The following NCKAP5 variants were observed in gnomAD, a reference collection of about 807,000 sequenced individuals.
NCKAP5 encodes nck-associated protein 5.
In NCKAP5, 92 loss-of-function variants were observed where a neutral mutation model predicts 167.0. That is an observed-to-expected ratio of 0.55 (90% CI 0.47 to 0.66). The LOEUF is 0.66. NCKAP5 is among the 30% of genes least tolerant of loss of function. The probability of loss-of-function intolerance (pLI) is 0.00; values close to 1 mark genes in which losing one functional copy is unlikely to be tolerated. For synonymous variants in NCKAP5, 891 were observed against 877.4 expected (o/e 1.02, Z -0.27); for missense variants, 2,378 against 2,315.0 (o/e 1.03, Z -0.56).
chr2:132,718,971 G>A (rs1358036572), intron 19 of NCKAP5, among the ~76,000 whole-genome samples: 1 of 152,210 alleles, frequency 6.6e-6, no homozygotes, highest in Non-Finnish European at 1.5e-5. Flanking sequence ...CGTGGCTGAT[G>A]AAGGGGCATC....
chr2:133,384,323 C>T (rs1686763979), intron 3 of NCKAP5, among the ~76,000 whole-genome samples: 1 of 152,134 alleles, frequency 6.6e-6, no homozygotes, highest in Admixed American at 6.6e-5. Context: ...AATCCTTTCC[C>T]CATTTCTTGT....
Position 133,381,352 on chromosome 2 carries a change from G to A in NCKAP5, c.70-78242C>T, listed in dbSNP as rs183422957. 8.5e-5 allele frequency among the ~76,000 whole-genome samples: 13 copies of A among 152,244 alleles called. No homozygotes were observed. In the East Asian group the frequency reaches 1.5e-3, roughly 18 times the overall value. On this transcript the variant is annotated intron_variant, in intron 3 of 19. Transcript: ENST00000409261. ...GCACTTAAGAAGAAACATTTCTAAC[G>A]TCCCTATTTGAAAACTGCTGGACAT...
At chr2:132,744,571 A>G (rs1679482177) in intron 16 of NCKAP5, among the ~76,000 whole-genome samples, 2 of 151,560 alleles carry the variant, frequency 1.3e-5, no homozygotes, top group African/African-American at 4.8e-5. Context: ...AACTAGAAAA[A>G]TAAGAACATA....
At chr2:133,469,593 T>C (rs1692884752) in intron 3 of NCKAP5, among the ~76,000 whole-genome samples, 2 of 152,128 alleles carry the variant, frequency 1.3e-5, no homozygotes, top group Non-Finnish European at 2.9e-5. Flanking sequence ...CTGGATAATA[T>C]CCTGCAGCGT....
the NCKAP5 span, among the ~76,000 whole-genome samples, chr2:133,662,916 G>T: frequency 6.6e-6 from 1 of 151,674 alleles, no homozygotes; most frequent in Non-Finnish European, 1.5e-5. Context: ...TTTTAAGTGT[G>T]CAGTAGCATT....
intron 5 of NCKAP5, among the ~76,000 whole-genome samples, chr2:133,197,402 C>T (rs749811669): frequency 6.6e-6 from 1 of 152,190 alleles, no homozygotes; most frequent in South Asian, 2.1e-4. Flanking sequence ...CTGAACCTCA[C>T]CTGGCCAATT....
chr2:133,642,271 C>A, the NCKAP5 span, among the ~76,000 whole-genome samples: 3 of 152,142 alleles, frequency 2.0e-5, no homozygotes, highest in African/African-American at 7.2e-5. Context: ...CAAACACCCC[C>A]CAGTAGGCAC....
chr2:132,757,716 A>G (rs1294845645), intron 16 of NCKAP5, among the ~76,000 whole-genome samples: 2 of 152,240 alleles, frequency 1.3e-5, no homozygotes, highest in Non-Finnish European at 2.9e-5. Context: ...TGGATTAAAG[A>G]AACTGGTGAC....
At chr2:133,490,246 G>A (rs931716386) in intron 3 of NCKAP5, among the ~76,000 whole-genome samples, 2 of 152,144 alleles carry the variant, frequency 1.3e-5, no homozygotes, top group African/African-American at 4.8e-5. Context: ...TTCCTGAGTG[G>A]AGTCTGGTCC....
In NCKAP5 at chr2:132,823,582, C is replaced by T. The variant is rs146393348; in HGVS notation, c.808-26853G>A. On this transcript the variant is annotated intron_variant, in intron 11 of 19. Coordinates refer to ENST00000409261, the MANE Select transcript of NCKAP5 (RefSeq NM_207363.3). ...AATCTTCAAAGAAAACCTCAGAATACACCACAATAGAACTCCCTTAAAGCA... is the reference window on the plus strand; with the variant it reads ...AATCTTCAAAGAAAACCTCAGAATATACCACAATAGAACTCCCTTAAAGCA... Among the ~76,000 whole-genome samples the T allele has an allele frequency of 5.9e-3, 892 of 152,006 alleles. 25 individuals are homozygous for T. Among genetic ancestry groups the T allele is most frequent in the Admixed American group, 0.053 (811 of 15,272 alleles).
At chr2:133,245,233 A>G (rs1179566097) in intron 4 of NCKAP5, among the ~76,000 whole-genome samples, 2 of 152,190 alleles carry the variant, frequency 1.3e-5, no homozygotes, top group African/African-American at 2.4e-5. Flanking sequence ...TTGTCCATCA[A>G]CGATCAACTA....
intron 8 of NCKAP5, among the ~76,000 whole-genome samples, chr2:132,936,341 A>ATC (rs199625915): frequency 0.011 from 1,666 of 152,272 alleles, 27 homozygotes; most frequent in African/African-American, 0.038. Flanking sequence ...ATCCAAACTA[A>ATC]CAAGGAGCTG....
chr2:132,753,506 C>A lies in NCKAP5; in HGVS notation c.5128+20310G>T, dbSNP rs139314108. Among the ~76,000 whole-genome samples the A allele has an allele frequency of 3.9e-4, 60 of 152,266 alleles. No homozygotes were observed. The East Asian group carries it at 0.011, about 27-fold the overall frequency. ...CTCAGGGGGTGGAGAGGGAAAGTAG[C>A]TTGTCTAGGGTCATACTCTTTGGAA... On this transcript the variant is annotated intron_variant, in intron 16 of 19. Transcript: ENST00000409261.
intron 3 of NCKAP5, among the ~76,000 whole-genome samples, chr2:133,422,250 T>C (rs1165711261): frequency 6.6e-6 from 1 of 152,240 alleles, no homozygotes; most frequent in African/African-American, 2.4e-5. Context: ...TCAAGGAGCT[T>C]ACTCCCAGCA....
At chr2:132,962,632 C>A (rs1258552524) in intron 8 of NCKAP5, among the ~76,000 whole-genome samples, 1 of 151,944 alleles carries the variant, frequency 6.6e-6, no homozygotes, top group African/African-American at 2.4e-5. Flanking sequence ...AGTCTGTCAC[C>A]CAGGCTGGAG....
intron 9 of NCKAP5, among the ~76,000 whole-genome samples, chr2:132,871,033 A>T (rs1690774810): frequency 6.6e-6 from 1 of 152,216 alleles, no homozygotes; most frequent in Non-Finnish European, 1.5e-5. Flanking sequence ...CATTGAAACT[A>T]TGATTTTAAA....
intron 4 of NCKAP5, among the ~76,000 whole-genome samples, chr2:133,290,343 G>T (rs1323372823): frequency 6.6e-6 from 1 of 152,128 alleles, no homozygotes; most frequent in Admixed American, 6.5e-5. Context: ...AAAATCATGA[G>T]ATATCCTTTC....
At position 133,251,740 on chromosome 2, in the gene NCKAP5, T is replaced by C. The variant is rs1322506854; in HGVS notation, c.144-37961A>G. Among the ~76,000 whole-genome samples the C allele has an allele frequency of 2.4e-4, 36 of 152,114 alleles. 1 individual carries two copies. The highest frequency in any genetic ancestry group is 2.4e-5 in the African/African-American group (1 of 41,434). On this transcript the variant is annotated intron_variant, in intron 4 of 19. Transcript: ENST00000409261. ...ATTACACTTGCATCCCAGTAATTCA[T>C]ACAAATAAAAAGAAAAAGAAAATAT...
chr2:133,140,527 C>T (rs749008609), intron 5 of NCKAP5, among the ~76,000 whole-genome samples: 107 of 152,234 alleles, frequency 7.0e-4, no homozygotes, highest in Middle Eastern at 3.4e-3. Context: ...CTCCCATCTA[C>T]GCTCTAGTCT....
Sources: allele counts gnomAD v4.1 joint callset (sites outside exome capture counted in the v4.1 genomes callset), GRCh38; gene constraint gnomAD v4.1.1; transcripts MANE v1.5; gene names NCBI Gene and HGNC (gene_info 2026-07-23, HGNC 2026-07-21).